The following DAW1 variants were observed in gnomAD, a reference collection of about 807,000 sequenced individuals.
DAW1 encodes the protein dynein assembly factor with WD repeat domains 1.
Under a neutral mutation model 56.5 loss-of-function variants are expected in DAW1, and 47 were observed. That is an observed-to-expected ratio of 0.83 (90% CI 0.66 to 1.06). DAW1 has a LOEUF of 1.06. Ranked by LOEUF, DAW1 falls within the 50% of genes least tolerant of loss-of-function variation. The probability of loss-of-function intolerance (pLI) is 0.00; values close to 1 mark genes in which losing one functional copy is unlikely to be tolerated. For synonymous variants in DAW1, 190 were observed against 179.0 expected (o/e 1.06, Z -0.49); for missense variants, 505 against 499.3 (o/e 1.01, Z -0.11).
At chr2:227,907,488 C>A (rs1193392918) in intron 10 of DAW1, among the ~76,000 whole-genome samples, 2 of 152,104 alleles carry the variant, frequency 1.3e-5, no homozygotes, top group Non-Finnish European at 2.9e-5. Context: ...TATATGAGGT[C>A]TTTGTCATCT....
chr2:227,912,080 C>T (rs773994075), intron 10 of DAW1, among the ~76,000 whole-genome samples: 1 of 152,188 alleles, frequency 6.6e-6, no homozygotes, highest in Non-Finnish European at 1.5e-5. Context: ...CTGTGCTACG[C>T]TATGCTCTAC....
intron 2 of DAW1, among the ~76,000 whole-genome samples, 170 bp downstream of exon 2, chr2:227,885,593 C>T (rs561975584): frequency 3.5e-4 from 53 of 152,188 alleles, no homozygotes; most frequent in Admixed American, 1.1e-3. Flanking sequence ...GAGGGTCTTG[C>T]TGAATGAAGA....
chr2:227,904,787 C>A, intron 7 of DAW1, 142 bp from the exon 8 acceptor site: 1 of 643,376 alleles, frequency 1.6e-6, no homozygotes, highest in East Asian at 3.1e-5. Flanking sequence ...GCAGACACTC[C>A]CCATCCTCAC....
intron 5 of DAW1, among the ~76,000 whole-genome samples, chr2:227,895,066 A>G (rs1691374812): frequency 6.6e-6 from 1 of 152,242 alleles, no homozygotes; most frequent in Admixed American, 6.5e-5. Context: ...TGTGGAGGAG[A>G]TCAATGTTCA....
intron 10 of DAW1, among the ~76,000 whole-genome samples, chr2:227,908,369 G>A (rs182142145): frequency 4.4e-4 from 67 of 152,176 alleles, no homozygotes; most frequent in Non-Finnish European, 4.4e-5. Context: ...CTAACACTCT[G>A]TCCACGTCAT....
chr2:227,888,978 C>T (rs1256212580), intron 2 of DAW1, among the ~76,000 whole-genome samples: 1 of 152,062 alleles, frequency 6.6e-6, no homozygotes, highest in Non-Finnish European at 1.5e-5. Flanking sequence ...GCATTTTTCT[C>T]TTTTCCTAAA....
chr2:227,909,268 C>G (rs1265865895), intron 10 of DAW1, among the ~76,000 whole-genome samples: 1 of 146,822 alleles, frequency 6.8e-6, no homozygotes, highest in Non-Finnish European at 1.5e-5. Context: ...ATCTATCTAT[C>G]TATCTGTCTG....
At chr2:227,878,558 C>T (rs778276016) in intron 1 of DAW1, among the ~76,000 whole-genome samples, 25 of 152,100 alleles carry the variant, frequency 1.6e-4, no homozygotes, top group Non-Finnish European at 2.6e-4. Flanking sequence ...CTTGTTTCTA[C>T]AAAAAATTAA....
intron 10 of DAW1, among the ~76,000 whole-genome samples, chr2:227,908,422 C>T (rs1328267736): frequency 6.6e-6 from 1 of 152,172 alleles, no homozygotes; most frequent in African/African-American, 2.4e-5. Flanking sequence ...TTTTTATTAT[C>T]TCAGTGACGA....
intron 1 of DAW1, among the ~76,000 whole-genome samples, chr2:227,881,353 C>T (rs1258382469): frequency 6.6e-6 from 1 of 152,180 alleles, no homozygotes. Context: ...CGTACTTGAA[C>T]CTGAACACAA....
chr2:227,883,572 A>G (rs958984423), intron 1 of DAW1, among the ~76,000 whole-genome samples: 3 of 152,252 alleles, frequency 2.0e-5, no homozygotes, highest in African/African-American at 4.8e-5. Flanking sequence ...GAGTTTTAAT[A>G]TCAAAAAATG....
In DAW1 at chr2:227,904,930, G is replaced by C. The variant is rs899932558; in HGVS notation, c.650G>C (p.Gly217Ala). 6.4e-5 allele frequency: 103 copies of C among 1,611,582 alleles called. No individual in the cohort carries two copies. Among genetic ancestry groups the C allele is most frequent in the Non-Finnish European group, 8.4e-5 (99 of 1,178,808 alleles). Reference protein sequence around the residue: ...QNGEEVYTLRGHSAEIISLSF... With the variant: ...QNGEEVYTLRAHSAEIISLSF... The stretch of plus-strand genomic sequence containing the variant: ...TGACAGTATCTGCTCTTTTTCTAGG[G>C]ACATTCTGCCGAAATCATCTCCTTG... Residue 217 changes from glycine to alanine, a missense_variant and splice_region_variant, in exon 8 of 13, where the codon GGA becomes GCA. Gly to Ala is a moderately conservative substitution (Grantham distance 60, BLOSUM62 0). Coordinates refer to ENST00000309931, the MANE Select transcript of DAW1 (RefSeq NM_178821.3).
intron 10 of DAW1, among the ~76,000 whole-genome samples, chr2:227,916,517 C>A (rs769051664): frequency 6.6e-6 from 1 of 152,140 alleles, no homozygotes; most frequent in Non-Finnish European, 1.5e-5. Flanking sequence ...TACTTGAAAA[C>A]CAAGTATGAT....
rs992898729 is a variant in DAW1 at position 227,896,330 on chromosome 2, T to A, written c.441-1852T>A. ...ATATTCTCTATAACATAATGCCATATCCTTTAATAGTCTACTTAACAAACA... is the reference window on the plus strand; with the variant it reads ...ATATTCTCTATAACATAATGCCATAACCTTTAATAGTCTACTTAACAAACA... On this transcript the variant is annotated intron_variant, in intron 5 of 12. Transcript: ENST00000309931. 3.9e-5 allele frequency among the ~76,000 whole-genome samples: 6 copies of A among 152,204 alleles called. No homozygotes were observed. In the East Asian group the frequency reaches 9.6e-4, roughly 24 times the overall value.
At chr2:227,911,467 C>T (rs1483843021) in intron 10 of DAW1, among the ~76,000 whole-genome samples, 2 of 150,904 alleles carry the variant, frequency 1.3e-5, no homozygotes, top group South Asian at 2.1e-4. Flanking sequence ...TATAATAGCA[C>T]ATATGACATA....
chr2:227,903,808 G>A (rs1721340), intron 7 of DAW1, among the ~76,000 whole-genome samples: 59,625 of 151,292 alleles, frequency 0.39, 11,876 homozygotes, highest in Middle Eastern at 0.55. Flanking sequence ...AAAATTATAA[G>A]TACATTTTTA....
At chr2:227,906,764 T>A (rs1434485103) in intron 9 of DAW1, among the ~76,000 whole-genome samples, 1 of 152,232 alleles carries the variant, frequency 6.6e-6, no homozygotes, top group Non-Finnish European at 1.5e-5. Context: ...TAATGTACTT[T>A]CCATTTTCTG....
rs760115445 is a variant in DAW1 at position 227,904,963 on chromosome 2, A to T, written c.683A>T (p.Asn228Ile). The change falls in exon 8 of 13, where the codon AAC becomes ATC. Residue 228 changes from asparagine (N) to isoleucine (I), a missense_variant. Coordinates refer to ENST00000309931, the MANE Select transcript of DAW1 (RefSeq NM_178821.3). ...GCCGAAATCATCTCCTTGTCATTTA[A>T]CACCTCAGGAGACAGAATCATCACG... Reference protein sequence around the residue: ...HSAEIISLSFNTSGDRIITGS... With the variant: ...HSAEIISLSFITSGDRIITGS... The T allele has an allele frequency of 6.2e-7, 1 of 1,613,530 alleles. No individual in the cohort carries two copies. The highest frequency in any genetic ancestry group is 1.7e-5 in the Admixed American group (1 of 59,966).
At chr2:227,886,434 T>A (rs1186847893) in intron 2 of DAW1, among the ~76,000 whole-genome samples, 2 of 152,024 alleles carry the variant, frequency 1.3e-5, no homozygotes, top group African/African-American at 4.8e-5. Flanking sequence ...CTGGCCAATA[T>A]GAGGAAACTC....
Sources: gnomAD v4.1 joint callset for allele counts (sites outside exome capture counted in the v4.1 genomes callset) on GRCh38, gnomAD v4.1.1 for gene constraint, MANE v1.5 for transcripts, NCBI Gene and HGNC (gene_info 2026-07-23, HGNC 2026-07-21) for gene names.